Variants in FGF10 observed in about 807,000 individuals in gnomAD.
FGF10 encodes the protein FGF-10.
A neutral mutation model predicts 19.8 loss-of-function variants in FGF10; 2 were observed. The ratio of observed to expected loss-of-function variants is 0.10; its 90% confidence interval spans 0.04 to 0.32. FGF10 has a LOEUF of 0.32. Among genes scored for constraint, FGF10 ranks in the 10% least tolerant of loss-of-function variants. The probability of loss-of-function intolerance (pLI) is 1.00; values close to 1 mark genes in which losing one functional copy is unlikely to be tolerated. For missense variants in FGF10, 191 were observed against 246.3 expected (o/e 0.78, Z 1.50); for synonymous variants, 112 against 94.0 (o/e 1.19, Z -1.10).
At chr5:44,383,525 T>A (rs1223810877) in intron 1 of FGF10, among the ~76,000 whole-genome samples, 1 of 152,118 alleles carries the variant, frequency 6.6e-6, no homozygotes, top group Non-Finnish European at 1.5e-5. Flanking sequence ...TGAATTCTCA[T>A]GCTCCAATAC....
At chr5:44,312,395 G>A (rs1349761427) in intron 1 of FGF10, among the ~76,000 whole-genome samples, 2 of 152,014 alleles carry the variant, frequency 1.3e-5, no homozygotes, top group Non-Finnish European at 2.9e-5. Flanking sequence ...TAACACTTAA[G>A]CCTCTGACTT....
At position 44,354,957 on chromosome 5, in the gene FGF10, C is replaced by T. The variant is rs187410082; in HGVS notation, c.325+33401G>A. Among the ~76,000 whole-genome samples, 203 of 151,524 alleles carry T rather than the reference C, an allele frequency of 1.3e-3. 2 individuals carry two copies. The highest frequency in any genetic ancestry group is 4.7e-3 in the African/African-American group (195 of 41,434). Reference sequence around the variant, plus strand: ...TTAACTACCATTATAATACCAGTTCCCTTTTTCATTCATCAGGCTATCTAG... The same window carrying T: ...TTAACTACCATTATAATACCAGTTCTCTTTTTCATTCATCAGGCTATCTAG... On this transcript the variant is annotated intron_variant, in intron 1 of 2. Coordinates refer to ENST00000264664, the MANE Select transcript of FGF10 (RefSeq NM_004465.2).
Position 44,359,250 on chromosome 5 carries a change from C to A in FGF10, c.325+29108G>T, listed in dbSNP as rs868584674. 8.2e-4 allele frequency among the ~76,000 whole-genome samples: 124 copies of A among 151,560 alleles called. 2 individuals are homozygous for A. Among genetic ancestry groups the A allele is most frequent in the African/African-American group, 2.8e-3 (115 of 41,440 alleles). On this transcript the variant is annotated intron_variant, in intron 1 of 2. Transcript: ENST00000264664. Reference sequence around the variant, plus strand: ...AATGCTATTAACTTGCATATTTTTGCATAAAAGATTTTGGAAGAAAAAGTT... The same window carrying A: ...AATGCTATTAACTTGCATATTTTTGAATAAAAGATTTTGGAAGAAAAAGTT...
At chr5:44,379,303 G>A (rs916745034) in intron 1 of FGF10, among the ~76,000 whole-genome samples, 9 of 152,090 alleles carry the variant, frequency 5.9e-5, no homozygotes, top group East Asian at 5.8e-4. Context: ...GCATTTATTC[G>A]TGCCTCACAC....
intron 1 of FGF10, among the ~76,000 whole-genome samples, chr5:44,323,728 G>T (rs1740548779): frequency 6.6e-6 from 1 of 152,066 alleles, no homozygotes; most frequent in African/African-American, 2.4e-5. Context: ...ATTATGATCT[G>T]TTTCCTCTTG....
intron 1 of FGF10, among the ~76,000 whole-genome samples, chr5:44,344,016 T>C (rs371828780): frequency 1.3e-5 from 2 of 152,092 alleles, no homozygotes; most frequent in East Asian, 1.9e-4. Flanking sequence ...GTAAAAGCTC[T>C]TGCTGAATGC....
intron 1 of FGF10, among the ~76,000 whole-genome samples, chr5:44,376,490 CAAAAAAA>C (rs764913349): frequency 8.1e-3 from 278 of 34,530 alleles, no homozygotes; most frequent in Admixed American, 0.016. Context: ...ATACAAATGC[CAAAAAAA>C]AAAAAAAAAA....
intron 1 of FGF10, among the ~76,000 whole-genome samples, chr5:44,342,186 T>C (rs1740985537): frequency 6.6e-6 from 1 of 151,992 alleles, no homozygotes; most frequent in Non-Finnish European, 1.5e-5. Context: ...GTCTTAAATT[T>C]GATCTTCATG....
At chr5:44,338,644 T>C (rs1740902816) in intron 1 of FGF10, among the ~76,000 whole-genome samples, 1 of 152,194 alleles carries the variant, frequency 6.6e-6, no homozygotes, top group African/African-American at 2.4e-5. Flanking sequence ...AAGAAACATT[T>C]ATTATGAAAA....
chr5:44,314,133 TG>T (rs1740278179), intron 1 of FGF10, among the ~76,000 whole-genome samples: 1 of 151,790 alleles, frequency 6.6e-6, no homozygotes, highest in Non-Finnish European at 1.5e-5. Flanking sequence ...CTGGGAAGGG[TG>T]GGAAGGCAAG....
intron 1 of FGF10, among the ~76,000 whole-genome samples, chr5:44,386,597 C>A (rs1013804315): frequency 1.3e-5 from 2 of 152,092 alleles, no homozygotes; most frequent in Non-Finnish European, 2.9e-5. Context: ...TACATAGGAT[C>A]TAATGAATTC....
chr5:44,341,821 T>C (rs1740977918), intron 1 of FGF10, among the ~76,000 whole-genome samples: 1 of 152,030 alleles, frequency 6.6e-6, no homozygotes. Flanking sequence ...GTCTGCCTTA[T>C]ACTCTTTTGA....
At chr5:44,311,187 T>C (rs961588727) in intron 1 of FGF10, among the ~76,000 whole-genome samples, 8 of 151,868 alleles carry the variant, frequency 5.3e-5, no homozygotes, top group Admixed American at 2.6e-4. Flanking sequence ...TTTTTTTTTT[T>C]CCTAGGAAAA....
chr5:44,341,718 G>C (rs966497749), intron 1 of FGF10, among the ~76,000 whole-genome samples: 1 of 151,930 alleles, frequency 6.6e-6, no homozygotes, highest in South Asian at 2.1e-4. Flanking sequence ...TGTAAGAACA[G>C]AAACATTTCT....
intron 1 of FGF10, among the ~76,000 whole-genome samples, chr5:44,340,450 A>G (rs1253754633): frequency 6.6e-6 from 1 of 152,112 alleles, no homozygotes; most frequent in South Asian, 2.1e-4. Context: ...ATATTATGAG[A>G]TATAATAAAA....
chr5:44,305,531 G>T lies in FGF10; in HGVS notation c.430-339C>A, dbSNP rs1257973665. On this transcript the variant is annotated intron_variant, in intron 2 of 2. Coordinates refer to ENST00000264664, the MANE Select transcript of FGF10 (RefSeq NM_004465.2). ...CACTAACAATATTTGTGATGAGTCA[G>T]TAATAAAGAATAGTGTTATAATGCT... Among the ~76,000 whole-genome samples, 3 of 152,136 alleles carry T rather than the reference G, an allele frequency of 2.0e-5. No individual in the cohort carries two copies. The East Asian group carries it at 5.8e-4, about 29-fold the overall frequency.
chr5:44,383,776 G>C (rs1460559945), intron 1 of FGF10, among the ~76,000 whole-genome samples: 3 of 151,986 alleles, frequency 2.0e-5, no homozygotes, highest in Non-Finnish European at 4.4e-5. Context: ...AAATGCTGCC[G>C]GTTATAAATT....
intron 1 of FGF10, among the ~76,000 whole-genome samples, chr5:44,318,697 T>C (rs182258486): frequency 9.4e-4 from 143 of 152,304 alleles, no homozygotes; most frequent in African/African-American, 3.2e-3. Context: ...AAACATGTTA[T>C]GCATCAGTAG....
chr5:44,369,901 C>T (rs1741706294), intron 1 of FGF10, among the ~76,000 whole-genome samples: 1 of 152,070 alleles, frequency 6.6e-6, no homozygotes, highest in Non-Finnish European at 1.5e-5. Context: ...TTATCTCAAG[C>T]TCAAAAGACC....
Sources: allele counts gnomAD v4.1 joint callset (sites outside exome capture counted in the v4.1 genomes callset), GRCh38; gene constraint gnomAD v4.1.1; transcripts MANE v1.5; gene names NCBI Gene and HGNC (gene_info 2026-07-23, HGNC 2026-07-21).